Variants in TRPM6 observed in about 807,000 individuals in gnomAD.
TRPM6 encodes the protein transient receptor potential cation channel subfamily M member 6, also known as channel kinase 2.
TRPM6 carries 111 observed loss-of-function variants against 247.6 expected under a neutral mutation model. That is an observed-to-expected ratio of 0.45 (90% CI 0.38 to 0.52). The LOEUF (loss-of-function observed/expected upper bound fraction) is 0.52, where lower values mean the gene tolerates loss of function less well. TRPM6 is among the 20% of genes least tolerant of loss of function. The probability of loss-of-function intolerance (pLI) is 0.00; values close to 1 mark genes in which losing one functional copy is unlikely to be tolerated. For synonymous variants in TRPM6, 892 were observed against 853.8 expected (o/e 1.04, Z -0.78); for missense variants, 2,126 against 2,421.5 (o/e 0.88, Z 2.56).
chr9:74,822,938 C>A (rs1049042345), intron 7 of TRPM6, among the ~76,000 whole-genome samples: 12 of 151,962 alleles, frequency 7.9e-5, no homozygotes, highest in African/African-American at 2.9e-4. Context: ...TGGAAGGATA[C>A]ACATCACACT....
At chr9:74,786,483 T>C (rs763462510) in intron 20 of TRPM6, among the ~76,000 whole-genome samples, 4 of 152,216 alleles carry the variant, frequency 2.6e-5, no homozygotes, top group African/African-American at 9.6e-5. Context: ...CTCATGCCTG[T>C]AATCCCAGCA....
intron 23 of TRPM6, among the ~76,000 whole-genome samples, chr9:74,778,401 G>A (rs1587495088): frequency 6.6e-6 from 1 of 152,320 alleles, no homozygotes; most frequent in African/African-American, 2.4e-5. Context: ...TTATGTTTGA[G>A]ATGTGACTGT....
At chr9:74,824,930 G>C (rs554227142) in intron 7 of TRPM6, among the ~76,000 whole-genome samples, 1 of 151,862 alleles carries the variant, frequency 6.6e-6, no homozygotes, top group African/African-American at 2.4e-5. Flanking sequence ...GGGTTTGCCA[G>C]AGTCACCAAG....
At chr9:74,796,935 A>C (rs772388535) in intron 17 of TRPM6, 42 bp from the exon 18 acceptor site, 2 of 1,523,296 alleles carry the variant, frequency 1.3e-6, no homozygotes, top group Non-Finnish European at 1.8e-6. Context: ...TAGGGACTAC[A>C]AAAGCACATA....
At chr9:74,857,714 T>G (rs1296692198) in intron 2 of TRPM6, 3 of 152,212 alleles carry the variant, frequency 2.0e-5, no homozygotes, top group Non-Finnish European at 4.4e-5. Flanking sequence ...ATTGGAATGA[T>G]ACAGAGAAGA....
At chr9:74,800,618 T>TA (rs1828291203) in intron 16 of TRPM6, 136 bp from the exon 17 acceptor site, 9 of 635,774 alleles carry the variant, frequency 1.4e-5, no homozygotes, top group South Asian at 3.6e-5. Context: ...AAGGCTTCCT[T>TA]TAAAAAAAAA....
intron 16 of TRPM6, 123 bp downstream of exon 16, chr9:74,801,775 A>C (rs1455560094): frequency 8.4e-7 from 1 of 1,192,380 alleles, no homozygotes; most frequent in Non-Finnish European, 1.2e-6. Context: ...TTAACAGGAG[A>C]GTCCATAAAA....
At position 74,724,441 on chromosome 9, in the gene TRPM6, G is replaced by A. The variant is rs986335785; in HGVS notation, c.*172C>T. 3.4e-6 allele frequency: 3 copies of A among 891,710 alleles called. No homozygotes were observed. Among genetic ancestry groups the A allele is most frequent in the African/African-American group, 3.3e-5 (2 of 60,580 alleles). 55.2% of individuals were successfully genotyped at this position (891,710 alleles called of 1,614,324 possible). A position where few individuals can be genotyped will look rare whatever the true frequency, so the allele number is the denominator to read the frequency against. On this transcript the variant is annotated 3_prime_UTR_variant, in exon 39 of 39. Transcript: ENST00000360774. The stretch of plus-strand genomic sequence containing the variant: ...GCCCTGGACAGAGGTCAGTGTCTAG[G>A]AGAACCCATTGATCATATACCAATG...
intron 37 of TRPM6, among the ~76,000 whole-genome samples, chr9:74,729,178 T>C (rs1405260970): frequency 6.6e-6 from 1 of 152,234 alleles, no homozygotes; most frequent in Non-Finnish European, 1.5e-5. Context: ...TAATATTTTA[T>C]TTTAATGACA....
chr9:74,816,648 A>G, intron 11 of TRPM6, 21 bp downstream of exon 11: 1 of 1,598,950 alleles, frequency 6.3e-7, no homozygotes, highest in Middle Eastern at 1.7e-4. Context: ...TTTTTTCCGA[A>G]TAACTTCATT....
intron 34 of TRPM6, 49 bp downstream of exon 34, chr9:74,739,674 T>C (rs907994115): frequency 1.2e-6 from 2 of 1,604,780 alleles, no homozygotes; most frequent in East Asian, 2.2e-5. Context: ...CAGATCTCTT[T>C]TCTTTGACTT....
chr9:74,802,554 G>A (rs7861927), intron 15 of TRPM6, among the ~76,000 whole-genome samples: 1,903 of 152,256 alleles, frequency 0.012, 45 homozygotes, highest in African/African-American at 0.044. Context: ...AGTACGATGA[G>A]TGCTGAAATA....
At chr9:74,750,233 A>G (rs1158587770) in intron 30 of TRPM6, among the ~76,000 whole-genome samples, 2 of 152,218 alleles carry the variant, frequency 1.3e-5, no homozygotes, top group Non-Finnish European at 2.9e-5. Flanking sequence ...TGCCTTATAA[A>G]CTAAAAGGAA....
Position 74,782,400 on chromosome 9 carries a change from T to A in TRPM6, c.3171A>T (p.Gln1057His). The change falls in exon 23 of 39, where the codon CAA (glutamine) becomes CAT (histidine). Residue 1057 changes from glutamine to histidine, a missense_variant. Gln to His is a conservative substitution (Grantham distance 24). This residue lies in a region of TRPM6 where 1,082 missense variants were observed against 1,307.9 expected (regional missense o/e 0.83). Coordinates refer to ENST00000360774, the MANE Select transcript of TRPM6 (RefSeq NM_017662.5). ...TCAACAGGTTCACCATGATGATATA[T>A]TGCACGAAGAGGTAGACAGCTTGCA... is the stretch of plus-strand genomic sequence containing the variant. ...PFLQAVYLFVQYIIMVNLLIA... is the reference protein window; with the variant it reads ...PFLQAVYLFVHYIIMVNLLIA... 1 of 1,614,072 alleles carries A rather than the reference T, an allele frequency of 6.2e-7. No individual in the cohort carries two copies. The highest frequency in any genetic ancestry group is 8.5e-7 in the Non-Finnish European group (1 of 1,179,996).
Position 74,762,684 on chromosome 9 carries a change from A to G in TRPM6, c.3987T>C (p.Ser1329=), listed in dbSNP as rs778334329. Residue 1329 remains serine (S), a synonymous_variant, in exon 26 of 39, where the codon TCT becomes TCC. Coordinates refer to ENST00000360774, the MANE Select transcript of TRPM6 (RefSeq NM_017662.5). ...GTGCTTGCCTGTTAGGAGACACCCC[A>G]GAAACCACTATACTACTTTGTGTTT... ...RQETQSSIVV[S]GVSPNRQAHS... The G allele has an allele frequency of 4.2e-5, 68 of 1,614,086 alleles. No individual in the cohort carries two copies. Among genetic ancestry groups the G allele is most frequent in the Non-Finnish European group, 5.6e-5 (66 of 1,180,036 alleles).
intron 1 of TRPM6, among the ~76,000 whole-genome samples, chr9:74,863,934 A>G (rs1302806055): frequency 1.3e-5 from 2 of 151,134 alleles, no homozygotes; most frequent in Non-Finnish European, 2.9e-5. Flanking sequence ...GATTGGAGGT[A>G]AAGGGAGACA....
At chr9:74,820,075 T>C (rs1256035986) in intron 9 of TRPM6, among the ~76,000 whole-genome samples, 1 of 152,152 alleles carries the variant, frequency 6.6e-6, no homozygotes, top group African/African-American at 2.4e-5. Context: ...GGTAAATGTG[T>C]GCCATGGTGG....
chr9:74,810,421 T>C (rs1828689926), intron 13 of TRPM6, among the ~76,000 whole-genome samples: 2 of 152,074 alleles, frequency 1.3e-5, no homozygotes, highest in African/African-American at 4.8e-5. Flanking sequence ...ATCACTGATA[T>C]CAAAAACAAT....
In TRPM6 at chr9:74,781,410, C is replaced by T. The variant is rs913119323; in HGVS notation, c.3209+952G>A. ...AATTAGCCAGGCATGGTGGCAGGCG[C>T]CTGTAATCCCATCTACTTGGGAGGC... On this transcript the variant is annotated intron_variant, in intron 23 of 38. Coordinates refer to ENST00000360774, the MANE Select transcript of TRPM6 (RefSeq NM_017662.5). Among the ~76,000 whole-genome samples the T allele has an allele frequency of 4.0e-5, 6 of 151,746 alleles. No homozygotes were observed. In the South Asian group the frequency reaches 1.3e-3, roughly 32 times the overall value.
Sources: allele counts gnomAD v4.1 joint callset (sites outside exome capture counted in the v4.1 genomes callset), GRCh38; gene constraint gnomAD v4.1.1; regional missense constraint gnomAD v4.1.1; transcripts MANE v1.5; gene names NCBI Gene and HGNC (gene_info 2026-07-23, HGNC 2026-07-21).